ROBO2: variants seen among roughly 807,000 people sequenced by gnomAD.
ROBO2 encodes the protein roundabout guidance receptor 2.
In ROBO2, 53 loss-of-function variants were observed where a neutral mutation model predicts 160.8. The observed-to-expected ratio is 0.33, with a 90% confidence interval of 0.26 to 0.41. ROBO2 has a LOEUF of 0.41. Among genes scored for constraint, ROBO2 ranks in the 10% least tolerant of loss-of-function variants. The pLI, the probability that ROBO2 is intolerant of heterozygous loss-of-function variation, is 1.00. For missense variants in ROBO2, 1,577 were observed against 1,722.4 expected, an observed-to-expected ratio of 0.92 and a Z score of 1.49; for synonymous variants, 664 against 611.7, an observed-to-expected ratio of 1.09 and a Z score of -1.26.
At chr3:77,248,973 G>A (rs949073502) in intron 2 of ROBO2, among the ~76,000 whole-genome samples, 1 of 152,144 alleles carries the variant, frequency 6.6e-6, no homozygotes, top group South Asian at 2.1e-4. Context: ...CACCGCCCGG[G>A]TTCAAGCGAT....
At chr3:76,379,775 G>A (rs2076527401) in intron 2 of ROBO2, among the ~76,000 whole-genome samples, 1 of 152,028 alleles carries the variant, frequency 6.6e-6, no homozygotes, top group African/African-American at 2.4e-5. Flanking sequence ...TCCATTAAAT[G>A]TGAATAAGCA....
intron 1 of ROBO2, among the ~76,000 whole-genome samples, chr3:75,923,217 T>G (rs1315879257): frequency 6.6e-6 from 1 of 152,216 alleles, no homozygotes; most frequent in African/African-American, 2.4e-5. Flanking sequence ...AATGTTTTGT[T>G]GTTTAAGTGT....
intron 2 of ROBO2, among the ~76,000 whole-genome samples, chr3:77,402,072 A>G (rs2075845380): frequency 6.6e-6 from 1 of 152,206 alleles, no homozygotes; most frequent in African/African-American, 2.4e-5. Flanking sequence ...AATGTTGCAT[A>G]TATACACCAT....
At chr3:77,280,872 C>A (rs551937223) in intron 2 of ROBO2, among the ~76,000 whole-genome samples, 1 of 152,266 alleles carries the variant, frequency 6.6e-6, no homozygotes, top group African/African-American at 2.4e-5. Context: ...CAAAACCAAT[C>A]AAAATCGACA....
intron 2 of ROBO2, among the ~76,000 whole-genome samples, chr3:76,551,668 G>T (rs989194266): frequency 1.3e-5 from 2 of 152,096 alleles, no homozygotes; most frequent in African/African-American, 4.8e-5. Context: ...CCCTCTTGGG[G>T]CTTTGCAGTT....
chr3:76,589,207 C>T (rs2086251570), intron 2 of ROBO2, among the ~76,000 whole-genome samples: 1 of 152,134 alleles, frequency 6.6e-6, no homozygotes, highest in Admixed American at 6.5e-5. Flanking sequence ...CAAAACATCG[C>T]TCTGTATACC....
chr3:76,326,743 A>G (rs1378850195), intron 2 of ROBO2, among the ~76,000 whole-genome samples: 1 of 146,984 alleles, frequency 6.8e-6, no homozygotes, highest in Non-Finnish European at 1.5e-5. Context: ...AGCATTAGGT[A>G]TATCTCCCAA....
chr3:77,366,908 A>C (rs1197043102), intron 2 of ROBO2, among the ~76,000 whole-genome samples: 2 of 142,220 alleles, frequency 1.4e-5, no homozygotes, highest in African/African-American at 2.5e-5. Context: ...CCCGACACTC[A>C]CAGTCCCCTG....
At chr3:76,019,253 C>T (rs905093801) in intron 2 of ROBO2, among the ~76,000 whole-genome samples, 1 of 151,344 alleles carries the variant, frequency 6.6e-6, no homozygotes, top group African/African-American at 2.4e-5. Flanking sequence ...TTATCGCCTC[C>T]CTACATGGTT....
chr3:77,317,908 T>TGGGGGGCTGCTA (rs1486952073), intron 2 of ROBO2, among the ~76,000 whole-genome samples: 2 of 16,174 alleles, frequency 1.2e-4, no homozygotes, highest in East Asian at 1.6e-3. Context: ...GGGGCGCTGC[T>TGGGGGGCTGCTA]GGGGGGCTGC....
chr3:76,256,325 C>CA (rs1396451602), intron 2 of ROBO2, among the ~76,000 whole-genome samples: 8 of 93,934 alleles, frequency 8.5e-5, no homozygotes, highest in Non-Finnish European at 7.8e-5. Flanking sequence ...CTCTCTCTCT[C>CA]TCTCTCTCTC....
intron 2 of ROBO2, among the ~76,000 whole-genome samples, chr3:77,462,670 C>T (rs529588479): frequency 3.9e-5 from 6 of 152,218 alleles, no homozygotes; most frequent in South Asian, 2.1e-4. Context: ...GGTAAACATA[C>T]GTATTAATAA....
chr3:76,190,677 A>G (rs1701967088), intron 2 of ROBO2, among the ~76,000 whole-genome samples: 1 of 152,118 alleles, frequency 6.6e-6, no homozygotes, highest in Non-Finnish European at 1.5e-5. Flanking sequence ...TAAACATTGA[A>G]GATACAAACT....
chr3:75,946,364 T>C (rs899094397), intron 2 of ROBO2, among the ~76,000 whole-genome samples: 1 of 152,034 alleles, frequency 6.6e-6, no homozygotes, highest in African/African-American at 2.4e-5. Context: ...ATAGAAAGCC[T>C]ACCAGGCACT....
At chr3:76,103,056 C>G (rs566244689) in intron 2 of ROBO2, among the ~76,000 whole-genome samples, 3 of 152,062 alleles carry the variant, frequency 2.0e-5, no homozygotes, top group South Asian at 4.1e-4. Context: ...ATCTCCTGAC[C>G]TCGTGATCCG....
At chr3:76,717,578 A>C (rs2093402034) in intron 2 of ROBO2, among the ~76,000 whole-genome samples, 1 of 152,070 alleles carries the variant, frequency 6.6e-6, no homozygotes, top group Non-Finnish European at 1.5e-5. Flanking sequence ...GTGTATTTGC[A>C]CCACGGAATA....
intron 2 of ROBO2, among the ~76,000 whole-genome samples, chr3:76,120,375 TTA>T (rs143948619): frequency 0.052 from 7,863 of 152,150 alleles, 419 homozygotes; most frequent in East Asian, 0.13. Context: ...AGGTTCAAAC[TTA>T]TGTTTGCAGA....
intron 2 of ROBO2, among the ~76,000 whole-genome samples, chr3:76,750,044 C>T (rs923643988): frequency 8.5e-5 from 13 of 152,050 alleles, no homozygotes; most frequent in South Asian, 2.1e-4. Flanking sequence ...TGCAAAAATC[C>T]GCAATAAAAT....
intron 2 of ROBO2, among the ~76,000 whole-genome samples, chr3:77,151,556 C>G (rs2077547179): frequency 6.6e-6 from 1 of 152,102 alleles, no homozygotes; most frequent in Non-Finnish European, 1.5e-5. Context: ...TCTATGTGGA[C>G]AGACAGCTTT....
Sources: allele counts gnomAD v4.1 joint callset (sites outside exome capture counted in the v4.1 genomes callset), GRCh38; gene constraint gnomAD v4.1.1; transcripts MANE v1.5; gene names NCBI Gene and HGNC (gene_info 2026-07-23, HGNC 2026-07-21).